Variants in NEGR1 observed in about 807,000 individuals in gnomAD.
NEGR1 encodes the protein neuronal growth regulator 1, also known as IgLON family member 4.
A neutral mutation model predicts 40.9 loss-of-function variants in NEGR1; 10 were observed. The ratio of observed to expected loss-of-function variants is 0.24; its 90% CI spans 0.15 to 0.42. NEGR1 has a LOEUF of 0.42. NEGR1 is among the 10% of genes least tolerant of loss of function. The pLI is 1.00. For synonymous variants in NEGR1, 185 were observed against 166.8 expected (o/e 1.11, Z -0.84); for missense variants, 352 against 438.9 (o/e 0.80, Z 1.77).
intron 2 of NEGR1, among the ~76,000 whole-genome samples, chr1:71,916,845 T>C (rs1483149207): frequency 6.6e-6 from 1 of 152,210 alleles, no homozygotes; most frequent in African/African-American, 2.4e-5. Context: ...GACAGATTAT[T>C]CCCAGTGAAA....
intron 2 of NEGR1, among the ~76,000 whole-genome samples, chr1:71,829,738 C>T (rs558721821): frequency 6.6e-6 from 1 of 152,062 alleles, no homozygotes; most frequent in South Asian, 2.1e-4. Flanking sequence ...AAACGCTGTT[C>T]CCTTTAACAA....
chr1:72,213,797 G>T (rs1446187271), intron 1 of NEGR1, among the ~76,000 whole-genome samples: 2 of 152,056 alleles, frequency 1.3e-5, no homozygotes, highest in African/African-American at 2.4e-5. Flanking sequence ...ACAAAGAGGA[G>T]CTGGTAGCAT....
intron 2 of NEGR1, among the ~76,000 whole-genome samples, chr1:71,800,515 A>G (rs1657517549): frequency 6.6e-6 from 1 of 152,146 alleles, no homozygotes; most frequent in South Asian, 2.1e-4. Flanking sequence ...TTCCTGACAT[A>G]CTGTAGGTGC....
chr1:71,779,920 G>T (rs1444367672), intron 2 of NEGR1, among the ~76,000 whole-genome samples: 2 of 151,752 alleles, frequency 1.3e-5, no homozygotes, highest in African/African-American at 2.4e-5. Context: ...GTGGTATAGA[G>T]AATTGGTCAA....
chr1:71,858,199 C>T (rs1659840292), intron 2 of NEGR1, among the ~76,000 whole-genome samples: 1 of 152,074 alleles, frequency 6.6e-6, no homozygotes, highest in African/African-American at 2.4e-5. Flanking sequence ...ACTATTGAGA[C>T]ATCCTTCTCC....
intron 1 of NEGR1, among the ~76,000 whole-genome samples, chr1:71,984,932 T>C (rs1413121175): frequency 6.6e-6 from 1 of 152,166 alleles, no homozygotes; most frequent in Non-Finnish European, 1.5e-5. Flanking sequence ...GCCTTTTACA[T>C]ATATTATAAA....
intron 6 of NEGR1, among the ~76,000 whole-genome samples, chr1:71,493,485 T>C (rs761031102): frequency 6.6e-6 from 1 of 152,168 alleles, no homozygotes; most frequent in Non-Finnish European, 1.5e-5. Context: ...CTTGTTTGGA[T>C]TCCCTGAAAT....
intron 1 of NEGR1, among the ~76,000 whole-genome samples, chr1:72,168,881 CAGAG>C (rs1651863073): frequency 6.6e-6 from 1 of 152,242 alleles, no homozygotes; most frequent in Admixed American, 6.5e-5. Context: ...GCCTAGGAGA[CAGAG>C]AGAGACCCTG....
At position 72,032,253 on chromosome 1, in the gene NEGR1, C is replaced by G. The variant is rs17092164; in HGVS notation, c.177-96942G>C. ...TGAGGGATAATTTGGGATGGCCCAT[C>G]ATAAGCATCCTAAATAACTGACGTG... On this transcript the variant is annotated intron_variant, in intron 1 of 6. Coordinates refer to ENST00000357731, the MANE Select transcript of NEGR1 (RefSeq NM_173808.3). Among the ~76,000 whole-genome samples, 748 of 152,274 alleles carry G rather than the reference C, an allele frequency of 4.9e-3. 4 individuals carry two copies. Among genetic ancestry groups the G allele is most frequent in the African/African-American group, 0.017 (687 of 41,552 alleles).
chr1:71,895,160 T>G (rs755326808), intron 2 of NEGR1, among the ~76,000 whole-genome samples: 1 of 152,210 alleles, frequency 6.6e-6, no homozygotes, highest in Admixed American at 6.5e-5. Context: ...TATCTACTTA[T>G]GTGCCTCTAT....
chr1:71,872,397 C>A (rs912202946), intron 2 of NEGR1, among the ~76,000 whole-genome samples: 2 of 152,066 alleles, frequency 1.3e-5, no homozygotes, highest in Admixed American at 1.3e-4. Flanking sequence ...CTGTTCACCG[C>A]GTATTTCTGT....
intron 1 of NEGR1, among the ~76,000 whole-genome samples, chr1:72,266,404 GA>G (rs1421996119): frequency 2.7e-5 from 4 of 150,744 alleles, no homozygotes; most frequent in African/African-American, 9.7e-5. Context: ...TCTACTGAGA[GA>G]AACAAGTTTT....
intron 1 of NEGR1, among the ~76,000 whole-genome samples, chr1:72,235,654 C>T (rs1016867276): frequency 2.0e-5 from 3 of 151,798 alleles, no homozygotes; most frequent in Non-Finnish European, 2.9e-5. Flanking sequence ...ATAGAATTGA[C>T]TTAATAAAGA....
At chr1:71,579,865 T>A (rs1300645923) in intron 6 of NEGR1, among the ~76,000 whole-genome samples, 1 of 152,154 alleles carries the variant, frequency 6.6e-6, no homozygotes, top group Non-Finnish European at 1.5e-5. Flanking sequence ...TCCTCTGAGG[T>A]CTCATACCTT....
At chr1:71,789,017 C>G (rs1003586969) in intron 2 of NEGR1, among the ~76,000 whole-genome samples, 1 of 151,936 alleles carries the variant, frequency 6.6e-6, no homozygotes, top group Non-Finnish European at 1.5e-5. Context: ...GGAAAATTCA[C>G]CCAGCTCAGA....
chr1:72,274,284 C>T (rs1655961521), intron 1 of NEGR1, among the ~76,000 whole-genome samples: 1 of 151,994 alleles, frequency 6.6e-6, no homozygotes, highest in Non-Finnish European at 1.5e-5. Context: ...TTTATGCCCA[C>T]ATAAACCAAA....
intron 1 of NEGR1, among the ~76,000 whole-genome samples, chr1:71,957,077 T>C (rs975441644): frequency 1.3e-5 from 2 of 152,138 alleles, no homozygotes; most frequent in Non-Finnish European, 2.9e-5. Context: ...ACAGAAATAA[T>C]ACACAAGTAT....
chr1:71,759,264 G>C (rs1655850961), intron 3 of NEGR1, among the ~76,000 whole-genome samples: 1 of 147,574 alleles, frequency 6.8e-6, no homozygotes, highest in African/African-American at 2.5e-5. Flanking sequence ...CCAAAGTAAA[G>C]GTTGCATTTT....
intron 1 of NEGR1, among the ~76,000 whole-genome samples, chr1:72,130,947 G>GA (rs1650224860): frequency 6.6e-6 from 1 of 152,112 alleles, no homozygotes; most frequent in South Asian, 2.1e-4. Context: ...ATAGAATTAG[G>GA]AAAAAGAGAG....
Sources: gnomAD v4.1 joint callset for allele counts (sites outside exome capture counted in the v4.1 genomes callset) on GRCh38, gnomAD v4.1.1 for gene constraint, MANE v1.5 for transcripts, NCBI Gene and HGNC (gene_info 2026-07-23, HGNC 2026-07-21) for gene names.